ARHGEF28: variants seen among roughly 807,000 people sequenced by gnomAD.
ARHGEF28 encodes the protein Rho guanine nucleotide exchange factor 28.
A neutral mutation model predicts 206.6 loss-of-function variants in ARHGEF28; 152 were observed. That is an observed-to-expected ratio of 0.74 (90% CI 0.64 to 0.84). ARHGEF28 has a LOEUF of 0.84. Ranked by LOEUF, ARHGEF28 falls within the 40% of genes least tolerant of loss-of-function variation. ARHGEF28 has a pLI of 0.00. For missense variants in ARHGEF28, 2,028 were observed against 2,073.2 expected, an observed-to-expected ratio of 0.98 and a Z score of 0.42; for synonymous variants, 763 against 776.4, an observed-to-expected ratio of 0.98 and a Z score of 0.29.
At chr5:73,923,618 T>A (rs536915294) in intron 35 of ARHGEF28, among the ~76,000 whole-genome samples, 1 of 152,346 alleles carries the variant, frequency 6.6e-6, no homozygotes, top group African/African-American at 2.4e-5. Flanking sequence ...TGATAGCCAG[T>A]CCCTTCACCC....
chr5:73,888,107 A>G (rs1207123630), intron 26 of ARHGEF28, among the ~76,000 whole-genome samples: 2 of 152,102 alleles, frequency 1.3e-5, no homozygotes, highest in African/African-American at 4.8e-5. Context: ...GGCACAGCCA[A>G]TCTCTTCCAG....
At chr5:73,928,212 C>A (rs13175907) in intron 35 of ARHGEF28, among the ~76,000 whole-genome samples, 16,098 of 152,048 alleles carry the variant, frequency 0.11, 1,004 homozygotes, top group African/African-American at 0.18. Flanking sequence ...TGAGGTCAGG[C>A]TTTCGAGAGC....
intron 35 of ARHGEF28, among the ~76,000 whole-genome samples, chr5:73,914,978 C>T (rs1019574463): frequency 3.9e-5 from 6 of 152,110 alleles, no homozygotes; most frequent in South Asian, 2.1e-4. Context: ...TGGACTGAAG[C>T]GATTGGCTGT....
chr5:73,841,128 T>C (rs1057050371), intron 11 of ARHGEF28, among the ~76,000 whole-genome samples: 3 of 152,230 alleles, frequency 2.0e-5, no homozygotes, highest in African/African-American at 7.2e-5. Context: ...AAGTCAAATA[T>C]GCATTTTCCT....
intron 33 of ARHGEF28, chr5:73,904,644 A>G (rs1483142879): frequency 2.4e-5 from 12 of 506,330 alleles, no homozygotes; most frequent in Non-Finnish European, 3.8e-5. Context: ...TCTTTAAAAA[A>G]TATTGATGAA....
chr5:73,680,458 A>T (rs918816427), intron 1 of ARHGEF28, among the ~76,000 whole-genome samples: 1 of 150,554 alleles, frequency 6.6e-6, no homozygotes, highest in African/African-American at 2.4e-5. Context: ...AAAAAAAAAA[A>T]AAAAGGGATT....
chr5:73,874,296 C>A (rs1285777475), intron 22 of ARHGEF28, among the ~76,000 whole-genome samples: 2 of 152,222 alleles, frequency 1.3e-5, no homozygotes, highest in Non-Finnish European at 2.9e-5. Flanking sequence ...ATGTGATTGA[C>A]AAACTTTCTC....
At position 73,753,053 on chromosome 5, in the gene ARHGEF28, G is replaced by A. The variant is rs772380154; in HGVS notation, c.326G>A (p.Arg109His). 12 of 1,610,042 alleles carry A rather than the reference G, an allele frequency of 7.5e-6. No individual in the cohort carries two copies. The highest frequency in any genetic ancestry group is 5.3e-5 in the African/African-American group (4 of 74,980). Residue 109 changes from arginine (R) to histidine (H), a missense_variant, in exon 4 of 36, where the codon CGC (arginine) becomes CAC (histidine). Arg to His is a conservative substitution (Grantham distance 29). Coordinates refer to ENST00000513042, the MANE Select transcript of ARHGEF28 (RefSeq NM_001177693.2). ...LARLLVTQAN[R>H]LTACSHQTLL... Reference sequence around the variant, plus strand: ...CGTCTGCTGGTGACGCAGGCCAATCGCCTCACAGCCTGCAGCCACCAGACC... The same window carrying A: ...CGTCTGCTGGTGACGCAGGCCAATCACCTCACAGCCTGCAGCCACCAGACC...
In ARHGEF28 at chr5:73,887,686, A is replaced by T. The variant is rs1207278809; in HGVS notation, c.3387+7A>T. The stretch of plus-strand genomic sequence containing the variant: ...ATACATCTTTGCAGCCGTTGTAAGT[A>T]TATGACTGTGTGATGTATTTAAAAA... On this transcript the variant is annotated splice_region_variant and intron_variant, in intron 26 of 35. Transcript: ENST00000513042. 1.3e-6 allele frequency: 2 copies of T among 1,554,842 alleles called. No individual in the cohort carries two copies. The highest frequency in any genetic ancestry group is 1.7e-6 in the Non-Finnish European group (2 of 1,149,580).
At chr5:73,934,935 C>T (rs1345352715) in intron 35 of ARHGEF28, among the ~76,000 whole-genome samples, 2 of 152,158 alleles carry the variant, frequency 1.3e-5, no homozygotes, top group East Asian at 1.9e-4. Context: ...GCCCCATACT[C>T]CCACGGGGCT....
chr5:73,910,396 A>AAAAC, intron 34 of ARHGEF28, among the ~76,000 whole-genome samples: 1 of 150,282 alleles, frequency 6.7e-6, no homozygotes, highest in African/African-American at 2.4e-5. Flanking sequence ...AAAAAAAAAA[A>AAAAC]AAAAAAAAAA....
In ARHGEF28 at chr5:73,886,074, T is replaced by C. The variant is rs1301642091; in HGVS notation, c.3280T>C (p.Tyr1094His). The part of the protein sequence containing the change: ...ERTLLYDGLV[Y>H]WKTATGRFKD... ...GACTCTGTTATATGATGGCCTTGTTTACTGGAAAACTGCTACAGGTCGTTT... is the reference window on the plus strand; with the variant it reads ...GACTCTGTTATATGATGGCCTTGTTCACTGGAAAACTGCTACAGGTCGTTT... The change falls in exon 25 of 36, where the codon TAC (tyrosine) becomes CAC (histidine). Residue 1094 changes from tyrosine to histidine, a missense_variant. Around this residue, in one of 3 missense-constraint regions of ARHGEF28, gnomAD observed 803 missense variants for 768.0 expected, o/e 1.05. Transcript: ENST00000513042. 1 of 1,613,432 alleles carries C rather than the reference T, an allele frequency of 6.2e-7. No homozygotes were observed. The highest frequency in any genetic ancestry group is 1.7e-5 in the Admixed American group (1 of 59,942).
intron 2 of ARHGEF28, among the ~76,000 whole-genome samples, chr5:73,724,414 A>G (rs1180938389): frequency 6.6e-6 from 1 of 152,210 alleles, no homozygotes; most frequent in Non-Finnish European, 1.5e-5. Flanking sequence ...GGCAGATACT[A>G]TATGCAGTGT....
At chr5:73,912,033 A>G (rs1180908077) in intron 35 of ARHGEF28, among the ~76,000 whole-genome samples, 2 of 152,062 alleles carry the variant, frequency 1.3e-5, no homozygotes, top group Non-Finnish European at 2.9e-5. Context: ...ACTGCTATTA[A>G]ACACCCAAAA....
chr5:73,909,626 A>C lies in ARHGEF28; in HGVS notation c.4376A>C (p.Glu1459Ala), dbSNP rs1269190469. ...CAGCGGCGCTGGCTGCGCAGGTGTG[A>C]GCAGCAGCAGCGGGCGCAGGCGACC... ...QEQRRWLRRC[E>A]QQQRAQATRE... Residue 1459 changes from glutamate (E) to alanine (A), a missense_variant, in exon 34 of 36, where the codon GAG becomes GCG. Around this residue, in one of 3 missense-constraint regions of ARHGEF28, gnomAD observed 803 missense variants for 768.0 expected, o/e 1.05. Coordinates refer to ENST00000513042, the MANE Select transcript of ARHGEF28 (RefSeq NM_001177693.2). The C allele has an allele frequency of 1.3e-6, 2 of 1,550,568 alleles. No individual in the cohort carries two copies. The highest frequency in any genetic ancestry group is 2.0e-5 in the Admixed American group (1 of 51,048).
intron 2 of ARHGEF28, among the ~76,000 whole-genome samples, chr5:73,691,405 A>G (rs1266637966): frequency 1.3e-5 from 2 of 152,074 alleles, no homozygotes; most frequent in East Asian, 1.9e-4. Context: ...CCCATTTTAT[A>G]ATTCCCGTTC....
chr5:73,784,985 A>G (rs1754072613), intron 7 of ARHGEF28, among the ~76,000 whole-genome samples: 1 of 152,226 alleles, frequency 6.6e-6, no homozygotes, highest in South Asian at 2.1e-4. Flanking sequence ...GCATAAGGAC[A>G]CTGGACAATG....
chr5:73,906,565 A>G (rs972124884), intron 33 of ARHGEF28, among the ~76,000 whole-genome samples: 1 of 152,228 alleles, frequency 6.6e-6, no homozygotes, highest in African/African-American at 2.4e-5. Flanking sequence ...TGCCAACATC[A>G]TTAAGTTAAA....
intron 9 of ARHGEF28, among the ~76,000 whole-genome samples, chr5:73,826,253 T>A (rs932541033): frequency 6.6e-5 from 10 of 152,262 alleles, no homozygotes; most frequent in Non-Finnish European, 1.3e-4. Flanking sequence ...TGATGGGCAC[T>A]GTTTCAGCAG....
Sources: allele counts gnomAD v4.1 joint callset (sites outside exome capture counted in the v4.1 genomes callset), GRCh38; gene constraint gnomAD v4.1.1; regional missense constraint gnomAD v4.1.1; transcripts MANE v1.5; gene names NCBI Gene and HGNC (gene_info 2026-07-23, HGNC 2026-07-21).